FAM168A: variants seen among roughly 807,000 people sequenced by gnomAD.
FAM168A encodes the protein family with sequence similarity 168 member A.
Under a neutral mutation model 28.5 loss-of-function variants are expected in FAM168A, and 3 were observed. The ratio of observed to expected loss-of-function variants is 0.11; its 90% CI spans 0.05 to 0.27. The LOEUF (loss-of-function observed/expected upper bound fraction) is 0.27, where lower values mean the gene tolerates loss of function less well. Ranked by LOEUF, FAM168A falls within the 10% of genes least tolerant of loss-of-function variation. The probability of loss-of-function intolerance (pLI) is 1.00; values close to 1 mark genes in which losing one functional copy is unlikely to be tolerated. For synonymous variants in FAM168A, 122 were observed against 124.2 expected, an observed-to-expected ratio of 0.98 and a Z score of 0.12; for missense variants, 222 against 311.5, an observed-to-expected ratio of 0.71 and a Z score of 2.16.
intron 4 of FAM168A, among the ~76,000 whole-genome samples, chr11:73,414,579 A>T (rs1200699663): frequency 6.6e-6 from 1 of 152,216 alleles, no homozygotes; most frequent in East Asian, 1.9e-4. Context: ...TAGCTATAGG[A>T]TACATCAGTC....
intron 1 of FAM168A, among the ~76,000 whole-genome samples, chr11:73,570,707 C>A (rs1399578835): frequency 3.1e-4 from 47 of 149,308 alleles, no homozygotes; most frequent in African/African-American, 1.1e-3. Flanking sequence ...GTACTCCAGC[C>A]TGGGTGACAG....
intron 1 of FAM168A, among the ~76,000 whole-genome samples, chr11:73,554,596 A>G (rs1943868208): frequency 6.6e-6 from 1 of 152,226 alleles, no homozygotes; most frequent in Non-Finnish European, 1.5e-5. Context: ...AACAAGGTGA[A>G]GGAGATTTTA....
At chr11:73,407,754 A>C in intron 6 of FAM168A, 111 bp from the exon 7 acceptor site, 1 of 841,058 alleles carries the variant, frequency 1.2e-6, no homozygotes, top group Non-Finnish European at 1.9e-6. Context: ...CAAATCCCCC[A>C]TCTCCCTCGC....
intron 1 of FAM168A, among the ~76,000 whole-genome samples, chr11:73,596,933 C>T (rs912429868): frequency 2.0e-5 from 3 of 152,078 alleles, no homozygotes; most frequent in African/African-American, 7.2e-5. Flanking sequence ...ATATTTTCTT[C>T]AAGATACCAT....
At chr11:73,486,950 T>C (rs991931810) in intron 1 of FAM168A, among the ~76,000 whole-genome samples, 1 of 152,250 alleles carries the variant, frequency 6.6e-6, no homozygotes, top group Admixed American at 6.5e-5. Context: ...ACAAGTAGTA[T>C]GTTTTCAGTA....
At chr11:73,432,088 T>A (rs573067896) in intron 2 of FAM168A, among the ~76,000 whole-genome samples, 21 of 152,350 alleles carry the variant, frequency 1.4e-4, no homozygotes, top group African/African-American at 4.3e-4. Flanking sequence ...TCATCCATGT[T>A]GTAACATGTA....
At chr11:73,445,844 C>A (rs1867302872) in intron 2 of FAM168A, among the ~76,000 whole-genome samples, 1 of 152,120 alleles carries the variant, frequency 6.6e-6, no homozygotes, top group South Asian at 2.1e-4. Context: ...TCTCTGTTTC[C>A]TCATCTGCAA....
At chr11:73,461,168 G>T (rs1221590995) in intron 2 of FAM168A, among the ~76,000 whole-genome samples, 2 of 152,176 alleles carry the variant, frequency 1.3e-5, no homozygotes, top group Non-Finnish European at 2.9e-5. Flanking sequence ...CCAGGCTGGG[G>T]TGCAATGGTA....
At chr11:73,478,516 A>C (rs1003493510) in intron 1 of FAM168A, among the ~76,000 whole-genome samples, 2 of 150,502 alleles carry the variant, frequency 1.3e-5, no homozygotes, top group African/African-American at 5.0e-5. Context: ...GTGTGGAAAA[A>C]AAGTCTAAAA....
chr11:73,410,871 G>A (rs1249521949), intron 5 of FAM168A, among the ~76,000 whole-genome samples: 1 of 152,170 alleles, frequency 6.6e-6, no homozygotes, highest in East Asian at 1.9e-4. Context: ...AGCTGAAGGA[G>A]CCCAGAAAGG....
At chr11:73,568,703 T>C (rs1222155300) in intron 1 of FAM168A, among the ~76,000 whole-genome samples, 1 of 152,126 alleles carries the variant, frequency 6.6e-6, no homozygotes, top group African/African-American at 2.4e-5. Flanking sequence ...GAGCCCAGCC[T>C]GGCCAACTGA....
At chr11:73,469,937 A>G (rs959555691) in intron 1 of FAM168A, among the ~76,000 whole-genome samples, 3 of 152,076 alleles carry the variant, frequency 2.0e-5, no homozygotes, top group African/African-American at 7.2e-5. Context: ...TTTGAGACGG[A>G]GTCTCACTCT....
At chr11:73,559,511 T>A (rs1943932205) in intron 1 of FAM168A, among the ~76,000 whole-genome samples, 1 of 152,164 alleles carries the variant, frequency 6.6e-6, no homozygotes, top group African/African-American at 2.4e-5. Flanking sequence ...AAAACATTAT[T>A]CTGAGTGAAA....
intron 1 of FAM168A, among the ~76,000 whole-genome samples, chr11:73,562,318 C>T (rs1368379186): frequency 7.2e-5 from 11 of 152,196 alleles, no homozygotes; most frequent in South Asian, 2.1e-4. Context: ...GTAACACTTA[C>T]GCTGAAAGGT....
At position 73,448,945 on chromosome 11, in the gene FAM168A, T is replaced by TTC. The variant is rs1187780338; in HGVS notation, c.71-18177_71-18176dup. 5.3e-5 allele frequency among the ~76,000 whole-genome samples: 8 copies of TTC among 151,982 alleles called. No individual in the cohort carries two copies. The South Asian group carries it at 6.2e-4, about 12-fold the overall frequency. ...TAAGCTCCTGTTTTGTTTTGTTTTT[T>TTC]TCTCTCTCTCTCTAACTCTATCTCT... On this transcript the variant is annotated intron_variant, in intron 2 of 7. Transcript: ENST00000356467.
intron 2 of FAM168A, among the ~76,000 whole-genome samples, chr11:73,465,713 T>C (rs1165748987): frequency 3.9e-5 from 6 of 152,112 alleles, no homozygotes; most frequent in South Asian, 2.1e-4. Context: ...TACCATCCCA[T>C]TGGGGATTAA....
At chr11:73,593,039 G>A (rs1944400173) in intron 1 of FAM168A, among the ~76,000 whole-genome samples, 2 of 152,256 alleles carry the variant, frequency 1.3e-5, no homozygotes, top group Middle Eastern at 3.4e-3. Flanking sequence ...AAGCAAGTCA[G>A]AAGAATATTT....
rs895515831 is a variant in FAM168A at position 73,403,439 on chromosome 11, G to A, written c.*3324C>T. On this transcript the variant is annotated 3_prime_UTR_variant, in exon 8 of 8. Transcript: ENST00000356467. ...TGGCCATAGGTGTTGCACTTGGGGAGAGGCAGTGGCATGAGGAGGAGAGAG... is the reference window on the plus strand; with the variant it reads ...TGGCCATAGGTGTTGCACTTGGGGAAAGGCAGTGGCATGAGGAGGAGAGAG... The A allele has an allele frequency of 6.6e-6, 1 of 152,264 alleles. No homozygotes were observed. Among genetic ancestry groups the A allele is most frequent in the Admixed American group, 6.5e-5 (1 of 15,276 alleles). 9.4% of individuals were successfully genotyped at this position (152,264 alleles called of 1,614,324 possible).
At chr11:73,439,504 A>T (rs1355192249) in intron 2 of FAM168A, among the ~76,000 whole-genome samples, 1 of 152,220 alleles carries the variant, frequency 6.6e-6, no homozygotes, top group Non-Finnish European at 1.5e-5. Flanking sequence ...AACAAAAAAG[A>T]TAAGAAAATA....
Sources: allele counts gnomAD v4.1 joint callset (sites outside exome capture counted in the v4.1 genomes callset), GRCh38; gene constraint gnomAD v4.1.1; transcripts MANE v1.5; gene names NCBI Gene and HGNC (gene_info 2026-07-23, HGNC 2026-07-21).